CNTNAP2: variants seen among roughly 807,000 people sequenced by gnomAD.
CNTNAP2 encodes contactin-associated protein-like 2.
CNTNAP2 carries 98 observed loss-of-function variants against 155.2 expected under a neutral mutation model. The observed-to-expected ratio is 0.63, with a 90% CI of 0.54 to 0.75. CNTNAP2 has a LOEUF of 0.75. Ranked by LOEUF, CNTNAP2 falls within the 30% of genes least tolerant of loss-of-function variation. The pLI, the probability that CNTNAP2 is intolerant of heterozygous loss-of-function variation, is 0.00. For synonymous variants in CNTNAP2, 651 were observed against 631.2 expected, an observed-to-expected ratio of 1.03 and a Z score of -0.47; for missense variants, 1,727 against 1,688.1, an observed-to-expected ratio of 1.02 and a Z score of -0.40.
chr7:147,676,805 C>T (rs1356931278), intron 13 of CNTNAP2, among the ~76,000 whole-genome samples: 1 of 151,848 alleles, frequency 6.6e-6, no homozygotes. Context: ...ACATAAGGTC[C>T]TCCAGGTTCA....
At chr7:147,955,576 A>C (rs1256735140) in intron 14 of CNTNAP2, among the ~76,000 whole-genome samples, 2 of 152,308 alleles carry the variant, frequency 1.3e-5, no homozygotes, top group East Asian at 3.9e-4. Flanking sequence ...TCTCCTGGCC[A>C]CATTTAGAGA....
rs147664430 is a variant in CNTNAP2 at position 147,985,892 on chromosome 7, C to T, written c.2383+7903C>T. On this transcript the variant is annotated intron_variant, in intron 15 of 23. Coordinates refer to ENST00000361727, the MANE Select transcript of CNTNAP2 (RefSeq NM_014141.6). ...CACCCCAAGCAGAGAAATCTCAGGG[C>T]GCTGGGGCTTTGGAGTTCTCTAATG... is the stretch of plus-strand genomic sequence containing the variant. 6.3e-3 allele frequency among the ~76,000 whole-genome samples: 956 copies of T among 152,224 alleles called. 8 individuals are homozygous for T. Among genetic ancestry groups the T allele is most frequent in the Admixed American group, 0.012 (189 of 15,288 alleles).
chr7:147,113,027 T>G (rs1800914566), intron 5 of CNTNAP2, among the ~76,000 whole-genome samples: 1 of 152,100 alleles, frequency 6.6e-6, no homozygotes, highest in Non-Finnish European at 1.5e-5. Context: ...GGGCTTTTTC[T>G]GGTTGGTAGG....
intron 2 of CNTNAP2, among the ~76,000 whole-genome samples, chr7:146,828,034 C>A (rs1002633879): frequency 6.6e-6 from 1 of 151,950 alleles, no homozygotes; most frequent in Non-Finnish European, 1.5e-5. Flanking sequence ...TTTGTACATT[C>A]TCTAAATGAA....
chr7:147,775,113 A>T (rs974119528), intron 13 of CNTNAP2, among the ~76,000 whole-genome samples: 1 of 149,556 alleles, frequency 6.7e-6, no homozygotes, highest in Non-Finnish European at 1.5e-5. Context: ...GTTAAGGGTG[A>T]TGGTCTTTTC....
At chr7:147,231,346 T>C (rs1205182983) in intron 8 of CNTNAP2, among the ~76,000 whole-genome samples, 1 of 152,234 alleles carries the variant, frequency 6.6e-6, no homozygotes. Flanking sequence ...GACACTTAGG[T>C]TGTTTCTATT....
chr7:147,768,929 C>G (rs369268075), intron 13 of CNTNAP2, among the ~76,000 whole-genome samples: 2 of 152,222 alleles, frequency 1.3e-5, no homozygotes, highest in Admixed American at 6.5e-5. Context: ...AATTCCACTT[C>G]AAAGAAGGTA....
chr7:147,653,414 C>T (rs763886650), intron 13 of CNTNAP2, among the ~76,000 whole-genome samples: 8 of 152,198 alleles, frequency 5.3e-5, no homozygotes, highest in East Asian at 3.9e-4. Context: ...TGGCAGAGCC[C>T]GGTGGGCAGC....
At chr7:146,778,851 G>C (rs1278501230) in intron 2 of CNTNAP2, among the ~76,000 whole-genome samples, 1 of 152,178 alleles carries the variant, frequency 6.6e-6, no homozygotes, top group East Asian at 1.9e-4. Context: ...CTGCCAGAGA[G>C]ACAGCCATCC....
In CNTNAP2 at chr7:147,910,917, T is replaced by C. The variant is rs1470253727; in HGVS notation, c.2255+7196T>C. 4.6e-5 allele frequency among the ~76,000 whole-genome samples: 7 copies of C among 152,292 alleles called. No individual in the cohort carries two copies. The East Asian group carries it at 5.8e-4, about 13-fold the overall frequency. ...ATAAATTTTTCACCTGTGTACTATA[T>C]ACAGCACAATTTCATTTTTTTTCCA... On this transcript the variant is annotated intron_variant, in intron 14 of 23. Transcript: ENST00000361727.
intron 21 of CNTNAP2, among the ~76,000 whole-genome samples, chr7:148,342,428 G>A (rs985592435): frequency 2.0e-5 from 3 of 152,136 alleles, no homozygotes; most frequent in African/African-American, 4.8e-5. Flanking sequence ...AATGTATCCT[G>A]TAAGTGTTCT....
At chr7:146,461,495 T>G (rs1796636936) in intron 1 of CNTNAP2, among the ~76,000 whole-genome samples, 2 of 152,032 alleles carry the variant, frequency 1.3e-5, no homozygotes, top group African/African-American at 4.8e-5. Context: ...CAGTAATAAC[T>G]TTTAGTAGCA....
intron 1 of CNTNAP2, among the ~76,000 whole-genome samples, chr7:146,487,395 C>T (rs1377695861): frequency 1.3e-5 from 2 of 152,210 alleles, no homozygotes; most frequent in Non-Finnish European, 2.9e-5. Flanking sequence ...TCATTGCAAA[C>T]ATATGTCTCG....
At chr7:146,390,406 C>T (rs112830422) in intron 1 of CNTNAP2, among the ~76,000 whole-genome samples, 11 of 151,968 alleles carry the variant, frequency 7.2e-5, no homozygotes, top group East Asian at 3.9e-4. Context: ...GACCCATTGA[C>T]GACTGCAAAG....
At chr7:147,456,358 A>T (rs1199671624) in intron 10 of CNTNAP2, among the ~76,000 whole-genome samples, 1 of 152,200 alleles carries the variant, frequency 6.6e-6, no homozygotes, top group Non-Finnish European at 1.5e-5. Flanking sequence ...TCAATGAAAC[A>T]ACTAGTATAT....
At position 146,851,099 on chromosome 7, in the gene CNTNAP2, T is replaced by C. The variant is rs1585122051; in HGVS notation, c.402+11195T>C. ...TCCCAAGTTCAAGCGATTCTCCTGC[T>C]TCAGCCTCCTGAGTAGCTTGGATTA... is the stretch of plus-strand genomic sequence containing the variant. On this transcript the variant is annotated intron_variant, in intron 3 of 23. Coordinates refer to ENST00000361727, the MANE Select transcript of CNTNAP2 (RefSeq NM_014141.6). 3.3e-5 allele frequency among the ~76,000 whole-genome samples: 5 copies of C among 152,142 alleles called. No homozygotes were observed. In the South Asian group the frequency reaches 1.0e-3, roughly 32 times the overall value.
At chr7:147,343,228 C>T (rs1293379476) in intron 9 of CNTNAP2, among the ~76,000 whole-genome samples, 1 of 152,050 alleles carries the variant, frequency 6.6e-6, no homozygotes, top group East Asian at 1.9e-4. Context: ...CAGTCGAATA[C>T]AGGTTACCGT....
chr7:147,131,042 A>G (rs200181287), intron 7 of CNTNAP2, among the ~76,000 whole-genome samples: 2 of 74,006 alleles, frequency 2.7e-5, no homozygotes, highest in Non-Finnish European at 6.2e-5. Context: ...ATATATATAC[A>G]CATATATATA....
rs140160690 is a variant in CNTNAP2 at position 148,397,449 on chromosome 7, G to C, written c.3716-11942G>C. Among the ~76,000 whole-genome samples, 622 of 152,230 alleles carry C rather than the reference G, an allele frequency of 4.1e-3. 2 individuals are homozygous for C. The highest frequency in any genetic ancestry group is 7.4e-3 in the Non-Finnish European group (501 of 68,022). On this transcript the variant is annotated intron_variant, in intron 22 of 23. Coordinates refer to ENST00000361727, the MANE Select transcript of CNTNAP2 (RefSeq NM_014141.6). ...ATTCCTTCCTCTCAATGAAAATTTT[G>C]GAGTAAAACATATAATTCCAGTTCT...
Sources: allele counts gnomAD v4.1 joint callset (sites outside exome capture counted in the v4.1 genomes callset), GRCh38; gene constraint gnomAD v4.1.1; transcripts MANE v1.5; gene names NCBI Gene and HGNC (gene_info 2026-07-23, HGNC 2026-07-21).